Variants in NAV3 observed in about 807,000 individuals in gnomAD.
The protein encoded by NAV3 is pore membrane and/or filament interacting like protein 1.
NAV3 carries 87 observed loss-of-function variants against 244.7 expected under a neutral mutation model. The ratio of observed to expected loss-of-function variants is 0.36; its 90% CI spans 0.30 to 0.42. NAV3 has a LOEUF of 0.42. Ranked by LOEUF, NAV3 falls within the 20% of genes least tolerant of loss-of-function variation. The pLI is 1.00. For missense variants in NAV3, 2,663 were observed against 2,893.3 expected (o/e 0.92, Z 1.83); for synonymous variants, 1,126 against 1,042.2 (o/e 1.08, Z -1.55).
At chr12:78,210,261 T>C in intron 39 of NAV3, 137 bp from the exon 40 acceptor site, 1 of 1,377,968 alleles carries the variant, frequency 7.3e-7, no homozygotes, top group Non-Finnish European at 9.9e-7. Context: ...GGGCAACGAG[T>C]AAAAATCTAA....
chr12:77,986,686 T>A (rs1487802294), intron 5 of NAV3, among the ~76,000 whole-genome samples: 1 of 152,178 alleles, frequency 6.6e-6, no homozygotes, highest in East Asian at 1.9e-4. Flanking sequence ...TTAAAATAAC[T>A]ATAACATAAA....
At chr12:77,737,132 T>TA (rs63574061) in intron 2 of NAV3, among the ~76,000 whole-genome samples, 32 of 148,106 alleles carry the variant, frequency 2.2e-4, no homozygotes, top group East Asian at 3.9e-4. Flanking sequence ...GGGAAACATT[T>TA]AAAAAAAAAA....
intron 8 of NAV3, among the ~76,000 whole-genome samples, chr12:78,019,219 A>G (rs1876743263): frequency 6.6e-6 from 1 of 152,132 alleles, no homozygotes; most frequent in Admixed American, 6.6e-5. Context: ...CTGATTAGTG[A>G]TGGGGTCAAG....
At chr12:77,577,614 T>C (rs531061205) in intron 2 of NAV3, among the ~76,000 whole-genome samples, 1 of 152,304 alleles carries the variant, frequency 6.6e-6, no homozygotes, top group South Asian at 2.1e-4. Context: ...GGATAAAATA[T>C]ACAGTCCCAA....
In NAV3 at chr12:78,204,783, T is replaced by A. The variant is rs955137623; in HGVS notation, c.6835-152T>A. On this transcript the variant is annotated intron_variant, in intron 38 of 39. Transcript: ENST00000397909. ...TGAGCTATGTAGACAGATACATGTTTTAAATCTGCAAAACTGTATACAGAT... is the reference window on the plus strand; with the variant it reads ...TGAGCTATGTAGACAGATACATGTTATAAATCTGCAAAACTGTATACAGAT... The A allele has an allele frequency of 6.1e-6, 4 of 653,518 alleles. No individual in the cohort carries two copies. The African/African-American group carries it at 7.3e-5, about 12-fold the overall frequency. The allele number at this position is 653,518 out of a possible 1,614,324, so 40.5% of individuals were successfully genotyped here.
chr12:78,203,073 T>A (rs1414826004), intron 38 of NAV3, among the ~76,000 whole-genome samples: 1 of 152,128 alleles, frequency 6.6e-6, no homozygotes, highest in East Asian at 1.9e-4. Flanking sequence ...ATGTTGGTGA[T>A]ACAATGGATT....
At chr12:78,157,662 T>G (rs1290705987) in intron 22 of NAV3, among the ~76,000 whole-genome samples, 1 of 152,130 alleles carries the variant, frequency 6.6e-6, no homozygotes, top group East Asian at 1.9e-4. Context: ...ATTCCTTGCT[T>G]GTCATTGAAA....
At chr12:77,711,636 T>C (rs983017480) in intron 2 of NAV3, among the ~76,000 whole-genome samples, 1 of 152,210 alleles carries the variant, frequency 6.6e-6, no homozygotes. Flanking sequence ...GTCAGTCCTA[T>C]TCAGCTGCCC....
At chr12:77,698,089 A>G (rs1875393963) in intron 2 of NAV3, among the ~76,000 whole-genome samples, 2 of 152,208 alleles carry the variant, frequency 1.3e-5, no homozygotes, top group South Asian at 4.1e-4. Flanking sequence ...AATGATCCAG[A>G]ATGTGGTATC....
At chr12:77,777,807 C>CT (rs71309594) in intron 2 of NAV3, among the ~76,000 whole-genome samples, 57,678 of 150,666 alleles carry the variant, frequency 0.38, 12,004 homozygotes, top group East Asian at 0.47. Context: ...CTTTTTTTTT[C>CT]TTTTTTCTTT....
chr12:78,188,838 C>T lies in NAV3; in HGVS notation c.6055+61C>T. 2.6e-6 allele frequency: 4 copies of T among 1,511,148 alleles called. No homozygotes were observed. In the South Asian group the frequency reaches 3.7e-5, roughly 14 times the overall value. The allele number at this position is 1,511,148 out of a possible 1,614,324, so 93.6% of individuals were successfully genotyped here. ...ATTTTTAGCAACATTTTATTCTGCC[C>T]CCCGCCCCTTTTTGGCCAGTTTCCC... is the stretch of plus-strand genomic sequence containing the variant. On this transcript the variant is annotated intron_variant, in intron 33 of 39. Transcript: ENST00000397909.
chr12:77,702,032 G>A (rs180821817), intron 2 of NAV3, among the ~76,000 whole-genome samples: 1 of 151,952 alleles, frequency 6.6e-6, no homozygotes, highest in East Asian at 1.9e-4. Flanking sequence ...TTCTAGTTGT[G>A]TTATAAATTA....
At chr12:77,961,048 GTA>G (rs1357393680) in intron 3 of NAV3, among the ~76,000 whole-genome samples, 5 of 130,696 alleles carry the variant, frequency 3.8e-5, no homozygotes, top group South Asian at 2.5e-4. Flanking sequence ...ATGTATATAT[GTA>G]TATGTTGCAT....
chr12:77,978,692 T>C (rs960715283), intron 5 of NAV3, among the ~76,000 whole-genome samples: 2 of 151,978 alleles, frequency 1.3e-5, no homozygotes, highest in African/African-American at 4.8e-5. Flanking sequence ...AGCAGATTAA[T>C]AAAGTCAATA....
At chr12:77,847,500 A>G (rs1334379002) in intron 1 of NAV3, among the ~76,000 whole-genome samples, 1 of 152,170 alleles carries the variant, frequency 6.6e-6, no homozygotes, top group Non-Finnish European at 1.5e-5. Context: ...GGAAGATGAA[A>G]TCCAACTGAA....
chr12:77,719,289 A>G (rs988570337), intron 2 of NAV3, among the ~76,000 whole-genome samples: 14 of 152,042 alleles, frequency 9.2e-5, no homozygotes, highest in Admixed American at 4.6e-4. Context: ...TATGACTTGG[A>G]TGCCTTTTCT....
rs191609091 is a variant in NAV3 at position 77,905,003 on chromosome 12, G to T, written c.244-35316G>T. ...TTGAAATGAGTATGTATTCAATGCA[G>T]AAATCAGTTATTCTCATATTTAATG... On this transcript the variant is annotated intron_variant, in intron 1 of 39. Coordinates refer to ENST00000397909, the MANE Select transcript of NAV3 (RefSeq NM_001024383.2). Among the ~76,000 whole-genome samples, 11 of 152,096 alleles carry T rather than the reference G, an allele frequency of 7.2e-5. No individual in the cohort carries two copies. The East Asian group carries it at 2.1e-3, about 29-fold the overall frequency.
chr12:77,581,376 A>AATT (rs1270905185), intron 2 of NAV3, among the ~76,000 whole-genome samples: 2 of 152,310 alleles, frequency 1.3e-5, no homozygotes, highest in East Asian at 3.9e-4. Context: ...CTTCATGATC[A>AATT]ATTTTTCATC....
In NAV3 at chr12:78,179,520, C is replaced by G. The variant is rs1958410612; in HGVS notation, c.5364-9C>G. ...CCAGGCCACTGATTCTGTTTGTTTC[C>G]TTCTTCAGGATCTGTGAATGCACAG... is the stretch of plus-strand genomic sequence containing the variant. On this transcript the variant is annotated splice_polypyrimidine_tract_variant and intron_variant, in intron 28 of 39. Transcript: ENST00000397909. 1 of 1,612,822 alleles carries G rather than the reference C, an allele frequency of 6.2e-7. No individual in the cohort carries two copies. Among genetic ancestry groups the G allele is most frequent in the African/African-American group, 1.3e-5 (1 of 74,950 alleles).
Sources: gnomAD v4.1 joint callset for allele counts (sites outside exome capture counted in the v4.1 genomes callset) on GRCh38, gnomAD v4.1.1 for gene constraint, MANE v1.5 for transcripts, NCBI Gene and HGNC (gene_info 2026-07-23, HGNC 2026-07-21) for gene names.